Variants in C2CD3 observed in about 807,000 individuals in gnomAD.
The protein encoded by C2CD3 is C2 domain-containing protein 3.
In C2CD3, 148 loss-of-function variants were observed where a neutral mutation model predicts 234.0. That is an observed-to-expected ratio of 0.63 (90% confidence interval 0.55 to 0.72). C2CD3 has a LOEUF of 0.72. Ranked by LOEUF, C2CD3 falls within the 30% of genes least tolerant of loss-of-function variation. The pLI, the probability that C2CD3 is intolerant of heterozygous loss-of-function variation, is 0.00. For synonymous variants in C2CD3, 1,000 were observed against 1,035.4 expected (o/e 0.97, Z 0.66); for missense variants, 2,577 against 2,811.5 (o/e 0.92, Z 1.89).
rs1173400930 is a variant in C2CD3 at position 74,049,330 on chromosome 11, T to C, written c.5361+7A>G. On this transcript the variant is annotated splice_region_variant and intron_variant, in intron 27 of 32. Coordinates refer to ENST00000334126, the MANE Select transcript of C2CD3 (RefSeq NM_001286577.2). ...TATTGGTTAGGGATGTGAATCTCCA[T>C]ACATACCAGTGATTTTGAGGTCTCC... is the stretch of plus-strand genomic sequence containing the variant. 3 of 1,610,380 alleles carry C rather than the reference T, an allele frequency of 1.9e-6. No homozygotes were observed. The highest frequency in any genetic ancestry group is 1.6e-4 in the Middle Eastern group (1 of 6,076).
chr11:74,143,501 C>T (rs1387486062), intron 3 of C2CD3, among the ~76,000 whole-genome samples: 2 of 149,844 alleles, frequency 1.3e-5, no homozygotes, highest in African/African-American at 4.9e-5. Flanking sequence ...TACTGGTGTG[C>T]ACCACCACAT....
chr11:74,086,713 C>T (rs533093307), intron 20 of C2CD3, among the ~76,000 whole-genome samples: 8 of 152,294 alleles, frequency 5.3e-5, no homozygotes, highest in East Asian at 1.9e-4. Flanking sequence ...ACGCCTTTAA[C>T]GACACTCATA....
chr11:74,099,981 T>C (rs1364324539), intron 15 of C2CD3, among the ~76,000 whole-genome samples: 1 of 152,132 alleles, frequency 6.6e-6, no homozygotes, highest in Non-Finnish European at 1.5e-5. Flanking sequence ...ATACCCCACC[T>C]ACGTGTTAAA....
At chr11:74,046,989 G>C (rs1022115385) in intron 28 of C2CD3, among the ~76,000 whole-genome samples, 1 of 152,160 alleles carries the variant, frequency 6.6e-6, no homozygotes, top group Admixed American at 6.5e-5. Flanking sequence ...TTTACTCTTT[G>C]TAACAGCCCT....
intron 29 of C2CD3, among the ~76,000 whole-genome samples, chr11:74,040,341 A>G (rs1439483084): frequency 2.0e-5 from 3 of 152,226 alleles, no homozygotes; most frequent in Non-Finnish European, 4.4e-5. Flanking sequence ...TCTGGTGCCA[A>G]AAAGGTTGGG....
intron 24 of C2CD3, among the ~76,000 whole-genome samples, chr11:74,062,889 T>C (rs1008420946): frequency 1.3e-5 from 2 of 150,466 alleles, no homozygotes; most frequent in Admixed American, 6.6e-5. Context: ...CTAGCAAGAC[T>C]AATAAAGAAG....
chr11:74,023,009 T>C (rs999114640), intron 32 of C2CD3, among the ~76,000 whole-genome samples: 3 of 152,186 alleles, frequency 2.0e-5, no homozygotes, highest in Non-Finnish European at 4.4e-5. Context: ...ATTTGACAGA[T>C]GAGAAAGCAG....
At position 74,113,786 on chromosome 11, in the gene C2CD3, C is replaced by G; in HGVS notation, c.1837G>C (p.Asp613His). 6.3e-7 allele frequency: 1 copy of G among 1,592,318 alleles called. No individual in the cohort carries two copies. The highest frequency in any genetic ancestry group is 8.6e-7 in the Non-Finnish European group (1 of 1,160,728). Reference sequence around the variant, plus strand: ...AAACCAGTGTGTCTCTTACTTCCATCTGTAATTTTACTGGAGGCGAGTCGA... The same window carrying G: ...AAACCAGTGTGTCTCTTACTTCCATGTGTAATTTTACTGGAGGCGAGTCGA... ...VVRLASSKIT[D>H]GKVKFQQRFV... is the part of the protein sequence containing the mutation. The change falls in exon 11 of 33, where the codon GAT becomes CAT. Residue 613 changes from aspartate to histidine, a missense_variant. Asp to His is a moderately conservative substitution (Grantham distance 81, BLOSUM62 -1). Transcript: ENST00000334126.
intron 11 of C2CD3, among the ~76,000 whole-genome samples, chr11:74,113,031 G>T (rs1234864325): frequency 6.6e-6 from 1 of 152,210 alleles, no homozygotes; most frequent in African/African-American, 2.4e-5. Context: ...AAATTGCCAG[G>T]AAGTGGAAAT....
intron 3 of C2CD3, among the ~76,000 whole-genome samples, chr11:74,150,516 C>CAAAA (rs1162306851): frequency 2.4e-4 from 16 of 65,988 alleles, no homozygotes; most frequent in Admixed American, 4.1e-4. Flanking sequence ...AAAAAAAAAA[C>CAAAA]AAAAAAAAAA....
chr11:74,133,539 T>C lies in C2CD3; in HGVS notation c.974A>G (p.Asn325Ser). 1 of 1,614,058 alleles carries C rather than the reference T, an allele frequency of 6.2e-7. No individual in the cohort carries two copies. Among genetic ancestry groups the C allele is most frequent in the African/African-American group, 1.3e-5 (1 of 75,046 alleles). The change falls in exon 6 of 33, where the codon AAT (asparagine) becomes AGT (serine). Residue 325 changes from asparagine to serine, a missense_variant. Physicochemically the swap from Asn to Ser is conservative, Grantham distance 46 (BLOSUM62 1). Transcript: ENST00000334126. ...DLLSALLEQG[N>S]KLRNAMVISA... ...AATCACCATGGCATTACGCAGTTTA[T>C]TGCCTTGTTCTAACAGAGCTGAAGA...
At chr11:74,120,004 T>C (rs1338549309) in intron 8 of C2CD3, among the ~76,000 whole-genome samples, 3 of 152,146 alleles carry the variant, frequency 2.0e-5, no homozygotes, top group Non-Finnish European at 4.4e-5. Context: ...TGGCAGCTTT[T>C]AAAAATGGTT....
intron 10 of C2CD3, among the ~76,000 whole-genome samples, chr11:74,114,126 T>C (rs898662080): frequency 4.6e-5 from 7 of 152,206 alleles, no homozygotes; most frequent in Non-Finnish European, 1.0e-4. Flanking sequence ...AGCTTTATGT[T>C]ATAGATAGCC....
intron 28 of C2CD3, among the ~76,000 whole-genome samples, chr11:74,042,585 C>A (rs1449669179): frequency 6.6e-6 from 1 of 151,788 alleles, no homozygotes; most frequent in Non-Finnish European, 1.5e-5. Context: ...AAACCCTGTC[C>A]CTACTAAAAG....
At chr11:74,082,273 G>A (rs1955414273) in intron 22 of C2CD3, among the ~76,000 whole-genome samples, 1 of 151,874 alleles carries the variant, frequency 6.6e-6, no homozygotes, top group African/African-American at 2.4e-5. Context: ...CTGCTACCAC[G>A]CCCAGCTAAT....
At chr11:74,051,618 T>C (rs1253781669) in intron 26 of C2CD3, among the ~76,000 whole-genome samples, 1 of 152,164 alleles carries the variant, frequency 6.6e-6, no homozygotes, top group East Asian at 1.9e-4. Flanking sequence ...CTTGAAACTT[T>C]GTATTTGTTT....
rs1956376167 is a variant in C2CD3 at position 74,103,150 on chromosome 11, G to A, written c.2561C>T (p.Pro854Leu). Residue 854 changes from proline (P) to leucine (L), a missense_variant, in exon 14 of 33, where the codon CCG becomes CTG. Transcript: ENST00000334126. ...AGTTACCTGAGAAAAGTTAAAGACC[G>A]GTTGTGTTGTGCCCCATGCGATGAC... ...RSVIAWGTTQPVFNFSQVIPV... is the reference protein window; with the variant it reads ...RSVIAWGTTQLVFNFSQVIPV... 2.5e-6 allele frequency: 4 copies of A among 1,611,822 alleles called. No individual in the cohort carries two copies. The highest frequency in any genetic ancestry group is 3.4e-6 in the Non-Finnish European group (4 of 1,178,152).
At chr11:74,109,329 A>C (rs1396637076) in intron 11 of C2CD3, 177 bp from the exon 12 acceptor site, 1 of 526,280 alleles carries the variant, frequency 1.9e-6, no homozygotes, top group Non-Finnish European at 3.3e-6. Flanking sequence ...GCAGGGACAA[A>C]GAGAAAACTC....
At chr11:74,168,255 T>G in intron 2 of C2CD3, 89 bp downstream of exon 2, 1 of 1,035,618 alleles carries the variant, frequency 9.7e-7, no homozygotes. Context: ...TGCCCATATA[T>G]GCTAGGTACA....
Sources: allele counts gnomAD v4.1 joint callset (sites outside exome capture counted in the v4.1 genomes callset), GRCh38; gene constraint gnomAD v4.1.1; transcripts MANE v1.5; gene names NCBI Gene and HGNC (gene_info 2026-07-23, HGNC 2026-07-21).